The following OPA1 variants were observed in gnomAD, a reference collection of about 807,000 sequenced individuals.
The protein encoded by OPA1 is dynamin-like GTPase OPA1, mitochondrial.
Under a neutral mutation model 152.9 loss-of-function variants are expected in OPA1, and 59 were observed. The observed-to-expected ratio is 0.39, with a 90% confidence interval of 0.31 to 0.48. The LOEUF (loss-of-function observed/expected upper bound fraction) is 0.48. Among genes scored for constraint, OPA1 ranks in the 20% least tolerant of loss-of-function variants. The probability of loss-of-function intolerance (pLI) is 0.96; values close to 1 mark genes in which losing one functional copy is unlikely to be tolerated. For missense variants in OPA1, 1,008 were observed against 1,216.8 expected (o/e 0.83, Z 2.55); for synonymous variants, 400 against 389.9 (o/e 1.03, Z -0.31).
chr3:193,678,165 A>G (rs1043063375), intron 29 of OPA1, among the ~76,000 whole-genome samples: 11 of 152,170 alleles, frequency 7.2e-5, no homozygotes, highest in African/African-American at 2.4e-4. Flanking sequence ...GTTTTGATTA[A>G]CTTCAGTTAG....
rs781348202 is a variant in OPA1 at position 193,657,136 on chromosome 3, G to T, written c.2235G>T (p.Gly745=). The change falls in exon 23 of 31, where the codon GGG becomes GGT. Residue 745 remains glycine (G), a synonymous_variant. Transcript: ENST00000361510. ...CCCGCTTTATGACAGAACCGAAAGG[G>T]AAAGAGCATGATGACATATTTGATA... ...EFSRFMTEPK[G]KEHDDIFDKL... is the part of the protein sequence containing the mutation. The T allele has an allele frequency of 6.2e-7, 1 of 1,613,886 alleles. No individual in the cohort carries two copies. The highest frequency in any genetic ancestry group is 2.2e-5 in the East Asian group (1 of 44,840).
intron 29 of OPA1, among the ~76,000 whole-genome samples, chr3:193,669,153 T>C (rs978308938): frequency 1.2e-4 from 19 of 152,242 alleles, no homozygotes; most frequent in African/African-American, 4.3e-4. Flanking sequence ...CATAGGGTTA[T>C]CCTGAAGAAG....
intron 29 of OPA1, among the ~76,000 whole-genome samples, chr3:193,675,981 A>T (rs1204108247): frequency 1.3e-5 from 2 of 152,228 alleles, no homozygotes; most frequent in African/African-American, 4.8e-5. Flanking sequence ...CTTGTAGAGC[A>T]GCTTGCCTGT....
intron 11 of OPA1, among the ~76,000 whole-genome samples, chr3:193,641,032 G>A (rs1733709433): frequency 6.6e-6 from 1 of 152,058 alleles, no homozygotes; most frequent in Non-Finnish European, 1.5e-5. Flanking sequence ...TACTACCGAT[G>A]GGAATTTGGG....
At chr3:193,647,952 G>T (rs1360457488) in intron 19 of OPA1, 118 bp from the exon 20 acceptor site, 1 of 741,130 alleles carries the variant, frequency 1.3e-6, no homozygotes, top group Non-Finnish European at 2.5e-6. Flanking sequence ...GTACTAAGGG[G>T]TCATAGGCGC....
chr3:193,666,271 TA>T, intron 27 of OPA1, 24 bp from the exon 28 acceptor site: 1 of 1,585,412 alleles, frequency 6.3e-7, no homozygotes, highest in Non-Finnish European at 8.7e-7. Flanking sequence ...TTGCATCTGG[TA>T]ATCTTAGTTA....
chr3:193,642,435 T>C (rs1733924735), intron 11 of OPA1, among the ~76,000 whole-genome samples: 1 of 152,212 alleles, frequency 6.6e-6, no homozygotes. Flanking sequence ...TTTCAAGTTT[T>C]AGAGAGATGA....
At chr3:193,685,274 C>G (rs530612132) in intron 29 of OPA1, among the ~76,000 whole-genome samples, 5 of 151,898 alleles carry the variant, frequency 3.3e-5, no homozygotes, top group African/African-American at 1.2e-4. Flanking sequence ...TGCACTCCAG[C>G]CTGGACGACA....
chr3:193,666,217 T>A, intron 27 of OPA1, 79 bp from the exon 28 acceptor site: 1 of 1,172,552 alleles, frequency 8.5e-7, no homozygotes, highest in Non-Finnish European at 1.3e-6. Flanking sequence ...ATCTACTGGT[T>A]CTAGTAGTTG....
intron 8 of OPA1, 56 bp downstream of exon 8, chr3:193,631,721 A>C (rs1732108677): frequency 6.9e-7 from 1 of 1,444,568 alleles, no homozygotes; most frequent in Non-Finnish European, 9.7e-7. Flanking sequence ...TTCGAATGTA[A>C]CTTTGGTGAT....
intron 11 of OPA1, among the ~76,000 whole-genome samples, chr3:193,641,215 A>G (rs1733735434): frequency 6.6e-6 from 1 of 152,178 alleles, no homozygotes; most frequent in Non-Finnish European, 1.5e-5. Context: ...TTGTTTTGGC[A>G]GGCAGGGTGT....
chr3:193,657,260 G>A (rs1226889948), intron 23 of OPA1, 28 bp downstream of exon 23: 1 of 1,610,044 alleles, frequency 6.2e-7, no homozygotes. Flanking sequence ...TGGGGTATCA[G>A]CCTCATATTT....
At chr3:193,688,444 C>CTTTTTTTTTTTTTT (rs1560079327) in intron 29 of OPA1, among the ~76,000 whole-genome samples, 1 of 38,520 alleles carries the variant, frequency 2.6e-5, no homozygotes, top group Non-Finnish European at 5.9e-5. Context: ...TGAAATGGGT[C>CTTTTTTTTTTTTTT]TTTTCTTTTT....
chr3:193,681,740 A>T (rs1490914970), intron 29 of OPA1, among the ~76,000 whole-genome samples: 1 of 152,104 alleles, frequency 6.6e-6, no homozygotes, highest in Non-Finnish European at 1.5e-5. Context: ...TCTGTCTGTC[A>T]TGGTGATCTT....
In OPA1 at chr3:193,689,610, A is replaced by G. The variant is rs191431359; in HGVS notation, c.2984-2453A>G. Among the ~76,000 whole-genome samples, 146 of 152,236 alleles carry G rather than the reference A, an allele frequency of 9.6e-4. 3 individuals are homozygous for G. Among genetic ancestry groups the G allele is most frequent in the Middle Eastern group, 3.4e-3 (1 of 294 alleles). ...GTGGCTCTTGGTATCTTTCAATTCA[A>G]TTGGATCTTCTCTGAATAGTCTCTT... On this transcript the variant is annotated intron_variant, in intron 29 of 30. Transcript: ENST00000361510.
intron 16 of OPA1, 133 bp downstream of exon 16, chr3:193,644,238 A>T: frequency 9.4e-7 from 1 of 1,068,930 alleles, no homozygotes; most frequent in African/African-American, 1.6e-5. Flanking sequence ...CAATGAAAGG[A>T]TAAAGCAAAA....
intron 6 of OPA1, among the ~76,000 whole-genome samples, chr3:193,623,559 C>T (rs1353314551): frequency 6.6e-6 from 1 of 152,058 alleles, no homozygotes; most frequent in Non-Finnish European, 1.5e-5. Context: ...CAGTGTCAAA[C>T]TGACAATAGC....
intron 1 of OPA1, among the ~76,000 whole-genome samples, chr3:193,594,274 A>C (rs761991380): frequency 1.8e-4 from 27 of 152,216 alleles, no homozygotes; most frequent in Non-Finnish European, 3.1e-4. Context: ...AAAATTGGAA[A>C]AACGTGGTTT....
At chr3:193,650,470 A>C (rs1712123300) in intron 21 of OPA1, among the ~76,000 whole-genome samples, 1 of 152,282 alleles carries the variant, frequency 6.6e-6, no homozygotes, top group East Asian at 1.9e-4. Flanking sequence ...TTATTTTGAC[A>C]TAGTTGATGT....
Sources: gnomAD v4.1 joint callset for allele counts (sites outside exome capture counted in the v4.1 genomes callset) on GRCh38, gnomAD v4.1.1 for gene constraint, MANE v1.5 for transcripts, NCBI Gene and HGNC (gene_info 2026-07-23, HGNC 2026-07-21) for gene names.